Variants in FTCDNL1 observed in about 807,000 individuals in gnomAD.
The protein encoded by FTCDNL1 is formiminotransferase cyclodeaminase N-terminal like.
Under a neutral mutation model 5.9 loss-of-function variants are expected in FTCDNL1, and 11 were observed. The observed-to-expected ratio is 1.87, with a 90% confidence interval of 1.18 to 3.10. The LOEUF (loss-of-function observed/expected upper bound fraction) is 3.10. Among genes scored for constraint, FTCDNL1 ranks in the 30% most tolerant of loss-of-function variants. The probability of loss-of-function intolerance (pLI) is 0.00; values close to 1 mark genes in which losing one functional copy is unlikely to be tolerated. For synonymous variants in FTCDNL1, 58 were observed against 24.8 expected, an observed-to-expected ratio of 2.34 and a Z score of -3.99; for missense variants, 115 against 65.5, an observed-to-expected ratio of 1.76 and a Z score of -2.61.
chr2:199,716,473 G>T, the FTCDNL1 span, among the ~76,000 whole-genome samples: 2 of 152,164 alleles, frequency 1.3e-5, no homozygotes, highest in Non-Finnish European at 2.9e-5. Context: ...CAATGACTCT[G>T]AGAGTAATTA....
chr2:199,807,286 A>G (rs947992370), downstream of FTCDNL1, among the ~76,000 whole-genome samples: 29 of 152,350 alleles, frequency 1.9e-4, no homozygotes, highest in African/African-American at 7.0e-4. Flanking sequence ...GAACAGAGAA[A>G]GAAAAGACAA....
the FTCDNL1 span, among the ~76,000 whole-genome samples, chr2:199,740,469 A>T: frequency 0.027 from 4,143 of 152,260 alleles, 257 homozygotes; most frequent in Admixed American, 0.14. Context: ...TCTGAGCATC[A>T]TGGGAGCTGC....
the FTCDNL1 span, among the ~76,000 whole-genome samples, chr2:199,676,948 T>C: frequency 1.3e-5 from 2 of 152,198 alleles, no homozygotes; most frequent in African/African-American, 4.8e-5. Context: ...ACAACATACT[T>C]GACTTTGCTA....
At chr2:199,764,087 C>G (rs1559167840) in intron 3 of FTCDNL1, among the ~76,000 whole-genome samples, 1 of 152,170 alleles carries the variant, frequency 6.6e-6, no homozygotes, top group Non-Finnish European at 1.5e-5. Context: ...AGTGATCCAT[C>G]CGCTTCAGCC....
intron 1 of FTCDNL1, among the ~76,000 whole-genome samples, chr2:199,850,084 T>C (rs2106635123): frequency 6.6e-6 from 1 of 152,360 alleles, no homozygotes; most frequent in East Asian, 1.9e-4. Context: ...GATCATTCGT[T>C]GGCCTAATCA....
intron 3 of FTCDNL1, among the ~76,000 whole-genome samples, chr2:199,841,615 T>C (rs2076590704): frequency 6.6e-6 from 1 of 152,104 alleles, no homozygotes; most frequent in South Asian, 2.1e-4. Flanking sequence ...TTATTATTAT[T>C]TTACCTCTGC....
intron 3 of FTCDNL1, among the ~76,000 whole-genome samples, chr2:199,831,438 G>T (rs1398361001): frequency 6.6e-6 from 1 of 152,064 alleles, no homozygotes; most frequent in Non-Finnish European, 1.5e-5. Context: ...CCACAAACAG[G>T]AGAACAGACA....
chr2:199,787,732 A>G (rs1699732881), intron 3 of FTCDNL1, among the ~76,000 whole-genome samples: 1 of 152,214 alleles, frequency 6.6e-6, no homozygotes, highest in Admixed American at 6.5e-5. Flanking sequence ...GGAAAAAAAT[A>G]CAAATGTCAA....
At chr2:199,752,489 A>G in the FTCDNL1 span, among the ~76,000 whole-genome samples, 2 of 152,196 alleles carry the variant, frequency 1.3e-5, no homozygotes, top group Admixed American at 1.3e-4. Context: ...GATTGCATCC[A>G]TAATGTAGGT....
At chr2:199,849,328 G>T (rs1180598502) in intron 1 of FTCDNL1, among the ~76,000 whole-genome samples, 3 of 152,132 alleles carry the variant, frequency 2.0e-5, no homozygotes, top group Non-Finnish European at 2.9e-5. Context: ...TTACAAACAG[G>T]TATGTTTTTT....
At chr2:199,828,030 T>C (rs1702137466) in intron 3 of FTCDNL1, among the ~76,000 whole-genome samples, 1 of 152,124 alleles carries the variant, frequency 6.6e-6, no homozygotes, top group Admixed American at 6.6e-5. Context: ...TATTTAGCAA[T>C]AAAGACAGTA....
the FTCDNL1 span, among the ~76,000 whole-genome samples, chr2:199,728,597 A>C: frequency 2.6e-5 from 4 of 152,164 alleles, no homozygotes; most frequent in Non-Finnish European, 5.9e-5. Flanking sequence ...TACCACTTTT[A>C]CTTTATAAAA....
downstream of FTCDNL1, among the ~76,000 whole-genome samples, chr2:199,808,560 T>C (rs1700852781): frequency 6.6e-6 from 1 of 152,174 alleles, no homozygotes; most frequent in Non-Finnish European, 1.5e-5. Context: ...AAAAAGATGT[T>C]TGGTTTTAAA....
chr2:199,725,278 T>C, the FTCDNL1 span, among the ~76,000 whole-genome samples: 1 of 152,198 alleles, frequency 6.6e-6, no homozygotes, highest in Non-Finnish European at 1.5e-5. Context: ...ATGTGTGTCT[T>C]TGCAAGTGAG....
At position 199,812,087 on chromosome 2, in the gene FTCDNL1, G is replaced by A. The variant is rs1157514050; in HGVS notation, c.*618C>T. 1.3e-5 allele frequency among the ~76,000 whole-genome samples: 2 copies of A among 152,120 alleles called. No individual in the cohort carries two copies. The highest frequency in any genetic ancestry group is 2.9e-5 in the Non-Finnish European group (2 of 68,022). ...TTTTTCAAACAGACCCTTGTTATAT[G>A]TATTTTAAATTCTTCTAGTAAGCTT... On this transcript the variant is annotated 3_prime_UTR_variant, in exon 5 of 5. Coordinates refer to ENST00000420128, the MANE Select transcript of FTCDNL1 (RefSeq NM_001363886.2).
chr2:199,720,594 C>G, the FTCDNL1 span, among the ~76,000 whole-genome samples: 14 of 152,192 alleles, frequency 9.2e-5, no homozygotes, highest in Non-Finnish European at 2.1e-4. Flanking sequence ...CAGCATAACT[C>G]CAATCACTGC....
At chr2:199,750,865 C>T in the FTCDNL1 span, among the ~76,000 whole-genome samples, 1 of 152,314 alleles carries the variant, frequency 6.6e-6, no homozygotes, top group East Asian at 1.9e-4. Flanking sequence ...TTTGCCATGC[C>T]ATCCTTTGCT....
chr2:199,690,661 A>G, the FTCDNL1 span, among the ~76,000 whole-genome samples: 4 of 152,116 alleles, frequency 2.6e-5, no homozygotes, highest in African/African-American at 7.2e-5. Flanking sequence ...TTTTAGGTTG[A>G]CTTTTCTGTT....
intron 3 of FTCDNL1, among the ~76,000 whole-genome samples, chr2:199,801,248 C>T (rs913799141): frequency 6.6e-6 from 1 of 152,132 alleles, no homozygotes; most frequent in Non-Finnish European, 1.5e-5. Flanking sequence ...GACTATGAAC[C>T]ACACAAATAT....
Sources: allele counts gnomAD v4.1 joint callset (sites outside exome capture counted in the v4.1 genomes callset), GRCh38; gene constraint gnomAD v4.1.1; transcripts MANE v1.5; gene names NCBI Gene and HGNC (gene_info 2026-07-23, HGNC 2026-07-21).